CCDC126: variants seen among roughly 807,000 people sequenced by gnomAD.
The protein encoded by CCDC126 is coiled-coil domain-containing protein 126.
A neutral mutation model predicts 11.7 loss-of-function variants in CCDC126; 5 were observed. That is an observed-to-expected ratio of 0.43 (90% CI 0.22 to 0.90). The LOEUF (loss-of-function observed/expected upper bound fraction) is 0.90. CCDC126 is among the 40% of genes least tolerant of loss of function. The pLI is 0.27. For missense variants in CCDC126, 150 were observed against 163.1 expected (o/e 0.92, Z 0.44); for synonymous variants, 60 against 61.9 (o/e 0.97, Z 0.14).
At chr7:23,610,770 CCTAA>C (rs757961731) in intron 2 of CCDC126, among the ~76,000 whole-genome samples, 1 of 151,820 alleles carries the variant, frequency 6.6e-6, no homozygotes, top group Non-Finnish European at 1.5e-5. Context: ...TTTCCTTCTT[CCTAA>C]CTTTCATTTT....
intron 3 of CCDC126, among the ~76,000 whole-genome samples, chr7:23,627,783 G>T (rs985015563): frequency 5.9e-5 from 9 of 151,548 alleles, no homozygotes; most frequent in African/African-American, 2.2e-4. Context: ...TTTAAGAGAT[G>T]GGGTCTTGCT....
intron 3 of CCDC126, among the ~76,000 whole-genome samples, chr7:23,628,729 A>G (rs1584211451): frequency 6.6e-6 from 1 of 152,158 alleles, no homozygotes; most frequent in Non-Finnish European, 1.5e-5. Context: ...TTACCTCCAC[A>G]TGGCAGTAAC....
At chr7:23,638,054 C>T (rs1429618970) in intron 3 of CCDC126, among the ~76,000 whole-genome samples, 19 of 128,378 alleles carry the variant, frequency 1.5e-4, no homozygotes, top group Admixed American at 5.4e-4. Context: ...AGTGAGGAGC[C>T]CCTCTGCCTG....
At position 23,611,532 on chromosome 7, in the gene CCDC126, G is replaced by A. The variant is rs572556592; in HGVS notation, c.217G>A (p.Gly73Ser). The A allele has an allele frequency of 2.4e-5, 39 of 1,610,066 alleles. No homozygotes were observed. Among genetic ancestry groups the A allele is most frequent in the South Asian group, 2.2e-4 (20 of 90,984 alleles). Residue 73 changes from glycine (G) to serine (S), a missense_variant, in exon 3 of 4, where the codon GGT (glycine) becomes AGT (serine). Gly to Ser is a moderately conservative substitution (Grantham distance 56). Transcript: ENST00000307471. ...TAAGAACACAGTGGATGTCGAGAAC[G>A]GTGCTTCTATGGCAGGATATGGTAA... ...ENKNTVDVEN[G>S]ASMAGYADLK...
intron 2 of CCDC126, among the ~76,000 whole-genome samples, chr7:23,599,304 GCTCCTTCTGCCAA>G (rs1013102625): frequency 1.3e-5 from 2 of 152,204 alleles, no homozygotes; most frequent in African/African-American, 4.8e-5. Context: ...TTCTCCTTCA[GCTCCTTCTGCCAA>G]CTGCCTGGTT....
intron 1 of CCDC126, 138 bp downstream of exon 1, chr7:23,597,743 T>G (rs1020614255): frequency 4.6e-5 from 7 of 152,042 alleles, no homozygotes; most frequent in Non-Finnish European, 8.8e-5. Context: ...AAACCCGGCT[T>G]AGGAACGGGC....
intron 2 of CCDC126, among the ~76,000 whole-genome samples, chr7:23,608,703 A>G (rs1048346611): frequency 6.6e-6 from 1 of 152,154 alleles, no homozygotes; most frequent in Non-Finnish European, 1.5e-5. Context: ...AGAACTGCCT[A>G]ATGGTGGTTC....
intron 3 of CCDC126, among the ~76,000 whole-genome samples, chr7:23,638,893 C>T (rs1408189266): frequency 2.7e-5 from 4 of 146,524 alleles, no homozygotes; most frequent in African/African-American, 7.6e-5. Flanking sequence ...AAAGACTGTC[C>T]CCTGCCCATT....
chr7:23,635,462 T>A (rs1320700051), intron 3 of CCDC126, among the ~76,000 whole-genome samples: 1 of 152,228 alleles, frequency 6.6e-6, no homozygotes, highest in Non-Finnish European at 1.5e-5. Flanking sequence ...AAAGATGTCA[T>A]CTCATGACAT....
rs758441828 is a variant in CCDC126 at position 23,643,285 on chromosome 7, A to G, written c.*170A>G. On this transcript the variant is annotated 3_prime_UTR_variant, in exon 4 of 4. Transcript: ENST00000307471. ...CTCTAATTCTGTACATAAAAATTTT[A>G]AAGTTATTTGTTTGCTTTCAGGCAA... is the stretch of plus-strand genomic sequence containing the variant. 1.7e-4 allele frequency: 101 copies of G among 605,764 alleles called. No individual in the cohort carries two copies. The highest frequency in any genetic ancestry group is 2.5e-4 in the Non-Finnish European group (94 of 368,810). The allele number at this position is 605,764 out of a possible 1,614,324, so 37.5% of individuals were successfully genotyped here. A position where few individuals can be genotyped will look rare whatever the true frequency, so the allele number is the denominator to read the frequency against.
chr7:23,641,968 C>T (rs1783366276), intron 3 of CCDC126, among the ~76,000 whole-genome samples: 1 of 152,174 alleles, frequency 6.6e-6, no homozygotes, highest in African/African-American at 2.4e-5. Flanking sequence ...CATGGACTCT[C>T]TTTCTTAGCT....
chr7:23,624,268 C>T (rs1342898252), intron 3 of CCDC126, among the ~76,000 whole-genome samples: 1 of 152,196 alleles, frequency 6.6e-6, no homozygotes, highest in Admixed American at 6.5e-5. Flanking sequence ...CCTGTGTTCA[C>T]TTCACCATCT....
At position 23,623,814 on chromosome 7, in the gene CCDC126, A is replaced by G. The variant is rs560655279; in HGVS notation, c.238+12261A>G. 1.4e-4 allele frequency among the ~76,000 whole-genome samples: 21 copies of G among 152,334 alleles called. No homozygotes were observed. The South Asian group carries it at 4.2e-3, about 30-fold the overall frequency. On this transcript the variant is annotated intron_variant, in intron 3 of 3. Transcript: ENST00000307471. ...TTAATTATTCCATATTGTATCCACA[A>G]TTTATGACATCACTTCGTAACCCAT...
intron 3 of CCDC126, among the ~76,000 whole-genome samples, chr7:23,612,567 G>A (rs990313087): frequency 6.6e-6 from 1 of 151,710 alleles, no homozygotes; most frequent in Non-Finnish European, 1.5e-5. Context: ...TAGCTAGTCG[G>A]GAGGCTGAGG....
intron 2 of CCDC126, among the ~76,000 whole-genome samples, chr7:23,599,010 G>A (rs1782482174): frequency 6.6e-6 from 1 of 152,056 alleles, no homozygotes; most frequent in African/African-American, 2.4e-5. Context: ...AGTCATTTGT[G>A]TTCTTAGTGT....
chr7:23,620,538 C>A (rs920575826), intron 3 of CCDC126, among the ~76,000 whole-genome samples: 6 of 151,720 alleles, frequency 4.0e-5, no homozygotes, highest in Admixed American at 2.6e-4. Context: ...TGCCTGTTCA[C>A]TCTGATGGTA....
In CCDC126 at chr7:23,643,033, C is replaced by T; in HGVS notation, c.341C>T (p.Ala114Val). ...TATATTGTTGTGAATGGCTCAGCAG[C>T]CAACACCACCAATGGTACTAGTGGG... is the stretch of plus-strand genomic sequence containing the variant. ...VDYIVVNGSA[A>V]NTTNGTSGNL... is the part of the protein sequence containing the mutation. Residue 114 changes from alanine to valine, a missense_variant, in exon 4 of 4, where the codon GCC becomes GTC. By Grantham distance (64) the Ala-to-Val change is moderately conservative. Transcript: ENST00000307471. 1 of 1,614,088 alleles carries T rather than the reference C, an allele frequency of 6.2e-7. No individual in the cohort carries two copies. The highest frequency in any genetic ancestry group is 8.5e-7 in the Non-Finnish European group (1 of 1,179,962).
At chr7:23,610,006 A>G (rs1032545126) in intron 2 of CCDC126, among the ~76,000 whole-genome samples, 1 of 152,196 alleles carries the variant, frequency 6.6e-6, no homozygotes, top group Non-Finnish European at 1.5e-5. Context: ...GTAGTCAAAG[A>G]GTTTTTTTTA....
intron 3 of CCDC126, among the ~76,000 whole-genome samples, chr7:23,617,884 C>T (rs927871946): frequency 3.9e-5 from 6 of 152,166 alleles, no homozygotes; most frequent in Non-Finnish European, 8.8e-5. Context: ...CCCACAGATA[C>T]AGAGATCTAA....
Sources: allele counts gnomAD v4.1 joint callset (sites outside exome capture counted in the v4.1 genomes callset), GRCh38; gene constraint gnomAD v4.1.1; transcripts MANE v1.5; gene names NCBI Gene and HGNC (gene_info 2026-07-23, HGNC 2026-07-21).